The following DNAH10 variants were observed in gnomAD, a reference collection of about 807,000 sequenced individuals.
DNAH10 encodes dynein axonemal heavy chain 10.
A neutral mutation model predicts 506.6 loss-of-function variants in DNAH10; 348 were observed. The ratio of observed to expected loss-of-function variants is 0.69; its 90% CI spans 0.63 to 0.75. The LOEUF (loss-of-function observed/expected upper bound fraction) is 0.75, where lower values mean the gene tolerates loss of function less well. Among genes scored for constraint, DNAH10 ranks in the 30% least tolerant of loss-of-function variants. The pLI is 0.00. For synonymous variants in DNAH10, 2,059 were observed against 2,198.6 expected (o/e 0.94, Z 1.78); for missense variants, 5,179 against 5,787.1 (o/e 0.89, Z 3.41).
chr12:123,837,594 A>G (rs1594153254), intron 28 of DNAH10, among the ~76,000 whole-genome samples: 1 of 137,204 alleles, frequency 7.3e-6, no homozygotes, highest in Non-Finnish European at 1.5e-5. Flanking sequence ...TTTTTTTTTT[A>G]GAGACGAGGT....
intron 3 of DNAH10, among the ~76,000 whole-genome samples, chr12:123,772,023 A>G (rs1014797569): frequency 6.6e-6 from 1 of 152,220 alleles, no homozygotes. Context: ...AGTTTCATGG[A>G]TAGCACTTAA....
Position 123,762,625 on chromosome 12 carries a change from C to A in DNAH10, c.214+75C>A. On this transcript the variant is annotated intron_variant, in intron 1 of 78. Coordinates refer to ENST00000673944, the MANE Select transcript of DNAH10 (RefSeq NM_001372106.1). This position sits in a 1 kb window ranked among gnomAD's most constrained non-coding sequence, Gnocchi z 5.0. ...CCGGCCTCTCCGGCGGGCGCCGGGG[C>A]TGCTAGAGCCTGCCCATCGTCCGGC... 7.1e-7 allele frequency: 1 copy of A among 1,417,624 alleles called. No homozygotes were observed. The highest frequency in any genetic ancestry group is 9.4e-7 in the Non-Finnish European group (1 of 1,060,296). The allele number at this position is 1,417,624 out of a possible 1,614,324, so 87.8% of individuals were successfully genotyped here.
In DNAH10 at chr12:123,902,856, G is replaced by C. The variant is rs758817174; in HGVS notation, c.9641-83G>C. ...CGCTAGGGCTCAAGCCAACCTTTGA[G>C]GACTGCACTCTGCTCAGAGCCGGGG... is the stretch of plus-strand genomic sequence containing the variant. On this transcript the variant is annotated intron_variant, in intron 56 of 78. Transcript: ENST00000673944. This position sits in a 1 kb window ranked among gnomAD's most constrained non-coding sequence, Gnocchi z 4.5. 21 of 1,466,396 alleles carry C rather than the reference G, an allele frequency of 1.4e-5. No homozygotes were observed. The highest frequency in any genetic ancestry group is 1.8e-5 in the Non-Finnish European group (20 of 1,100,218). The allele number at this position is 1,466,396 out of a possible 1,614,324, so 90.8% of individuals were successfully genotyped here.
At chr12:123,905,626 GC>G (rs935203776) in intron 57 of DNAH10, among the ~76,000 whole-genome samples, 3 of 151,692 alleles carry the variant, frequency 2.0e-5, no homozygotes, top group African/African-American at 7.3e-5. Context: ...AGTGAAGCTG[GC>G]CTTTTTTTTT....
rs1166311446 is a variant in DNAH10 at position 123,870,399 on chromosome 12, A to G, written c.7553A>G (p.Asp2518Gly). ...QLPTLYDFHF[D>G]NKRNQWVPWS... ...CCAACCTTGTATGACTTTCATTTTGATAACAAACGGAATCAATGGGTCCCA... is the reference window on the plus strand; with the variant it reads ...CCAACCTTGTATGACTTTCATTTTGGTAACAAACGGAATCAATGGGTCCCA... The change falls in exon 44 of 79, where the codon GAT becomes GGT. Residue 2518 changes from aspartate to glycine, a missense_variant. By Grantham distance (94) the Asp-to-Gly change is moderately conservative. Transcript: ENST00000673944. 1.2e-6 allele frequency: 2 copies of G among 1,613,800 alleles called. No individual in the cohort carries two copies. Among genetic ancestry groups the G allele is most frequent in the Non-Finnish European group, 1.7e-6 (2 of 1,179,884 alleles).
At chr12:123,806,247 GA>G (rs1958670554) in intron 18 of DNAH10, among the ~76,000 whole-genome samples, 1 of 152,172 alleles carries the variant, frequency 6.6e-6, no homozygotes, top group Non-Finnish European at 1.5e-5. Context: ...AGGTATCTAT[GA>G]TTCACATTTT....
In DNAH10 at chr12:123,926,643, G is replaced by A; in HGVS notation, c.11928G>A (p.Val3976=). The A allele has an allele frequency of 1.2e-6, 2 of 1,613,196 alleles. No individual in the cohort carries two copies. Among genetic ancestry groups the A allele is most frequent in the Non-Finnish European group, 8.5e-7 (1 of 1,179,536 alleles). The change falls in exon 69 of 79, where the codon GTG becomes GTA. Residue 3976 remains valine, a synonymous_variant. Transcript: ENST00000673944. The surrounding 1 kb of genome is among the most constrained non-coding windows in gnomAD (Gnocchi z 4.1). ...ACTGTGTTTCTTTCACCAGGTATGT[G>A]CAGCCCCCAATGATCAGCTTTGAAG... is the stretch of plus-strand genomic sequence containing the variant. ...YVTVTMGEKY[V]QPPMISFEAI... is the part of the protein sequence containing the mutation.
chr12:123,773,056 C>G, intron 4 of DNAH10, 114 bp downstream of exon 4: 1 of 722,088 alleles, frequency 1.4e-6, no homozygotes, highest in East Asian at 2.6e-5. Context: ...ATGCCAAGCT[C>G]TCTTTCTTTT....
intron 55 of DNAH10, 91 bp from the exon 56 acceptor site, chr12:123,898,562 T>G (rs1408574646): frequency 7.1e-7 from 1 of 1,400,690 alleles, no homozygotes; most frequent in Non-Finnish European, 9.4e-7. Flanking sequence ...TTTTGTTTTG[T>G]TTTTGATAAG....
At chr12:123,815,075 A>G (rs978274759) in intron 21 of DNAH10, among the ~76,000 whole-genome samples, 4 of 152,168 alleles carry the variant, frequency 2.6e-5, no homozygotes, top group African/African-American at 9.7e-5. Flanking sequence ...CAACAAAACA[A>G]CAACAGTTGA....
rs1159548287 is a variant in DNAH10 at position 123,864,588 on chromosome 12, G to T, written c.6909-7G>T. 1 of 1,613,230 alleles carries T rather than the reference G, an allele frequency of 6.2e-7. No individual in the cohort carries two copies. Reference sequence around the variant, plus strand: ...ACCCATGGCTCTCCTTTCTTTGGTTGCTGCAGGTATATTTTATTTGATGGT... The same window carrying T: ...ACCCATGGCTCTCCTTTCTTTGGTTTCTGCAGGTATATTTTATTTGATGGT... On this transcript the variant is annotated splice_polypyrimidine_tract_variant and splice_region_variant and intron_variant, in intron 39 of 78. Transcript: ENST00000673944.
Position 123,929,468 on chromosome 12 carries a change from A to G in DNAH10, c.12500A>G (p.Asn4167Ser), listed in dbSNP as rs372419118. The change falls in exon 71 of 79, where the codon AAT (asparagine) becomes AGT (serine). Residue 4167 changes from asparagine (N) to serine (S), a missense_variant. By Grantham distance (46) the Asn-to-Ser change is conservative. Transcript: ENST00000673944. ...KIGWNVYYDF[N>S]ESDFQVCMEI... is the part of the protein sequence containing the mutation. Reference sequence around the variant, plus strand: ...GGCTGGAACGTGTACTATGACTTCAATGAGTCTGACTTCCAGGTGACAGTG... The same window carrying G: ...GGCTGGAACGTGTACTATGACTTCAGTGAGTCTGACTTCCAGGTGACAGTG... 7.4e-6 allele frequency: 12 copies of G among 1,613,240 alleles called. No individual in the cohort carries two copies. In the Middle Eastern group the frequency reaches 8.2e-4, roughly 111 times the overall value.
At chr12:123,801,533 C>T (rs1958483018) in intron 16 of DNAH10, 101 bp downstream of exon 16, 4 of 1,405,582 alleles carry the variant, frequency 2.8e-6, no homozygotes, top group South Asian at 2.8e-5. Context: ...TTTATAGAGA[C>T]AATTAACAAT....
At position 123,787,949 on chromosome 12, in the gene DNAH10, G is replaced by T; in HGVS notation, c.1567G>T (p.Glu523Ter). Residue 523 changes from glutamate to a stop codon, truncating the protein, a stop_gained, in exon 10 of 79, where the codon GAG (glutamate) becomes TAG (stop). Transcript: ENST00000673944. LOFTEE classifies it high-confidence loss of function. The surrounding 1 kb of genome is among the most constrained non-coding windows in gnomAD (Gnocchi z 4.6). ...GGAGTTTGACCGGAAGCGGCTGTTCGAGAGGACGGATTATATGGCCACCAT... is the reference window on the plus strand; with the variant it reads ...GGAGTTTGACCGGAAGCGGCTGTTCTAGAGGACGGATTATATGGCCACCAT... ...RWEFDRKRLFERTDYMATICQ... is the reference protein window; with the variant it reads ...RWEFDRKRLF 1 of 1,596,454 alleles carries T rather than the reference G, an allele frequency of 6.3e-7. No homozygotes were observed.
chr12:123,801,507 T>C (rs1958481973), intron 16 of DNAH10, 75 bp downstream of exon 16: 1 of 1,535,144 alleles, frequency 6.5e-7, no homozygotes, highest in Non-Finnish European at 8.8e-7. Context: ...TTTATTTGAA[T>C]TACCATTTTC....
At chr12:123,898,417 G>T (rs1953354078) in intron 55 of DNAH10, among the ~76,000 whole-genome samples, 1 of 152,202 alleles carries the variant, frequency 6.6e-6, no homozygotes, top group Admixed American at 6.5e-5. Context: ...TGCACTGCCG[G>T]ACAGGGCTTT....
chr12:123,934,990 C>A, intron 78 of DNAH10: 1 of 642,714 alleles, frequency 1.6e-6, no homozygotes, highest in Non-Finnish European at 2.7e-6. Flanking sequence ...AGGTGTCAGG[C>A]TCAAGCTGTG....
rs1383690518 is a variant in DNAH10, at chr12:123,896,148, C to CAT, written c.9280+1426_9280+1427insTA. Among the ~76,000 whole-genome samples the CAT allele has an allele frequency of 1.6e-3, 149 of 95,328 alleles. 1 individual carries two copies. Among genetic ancestry groups the CAT allele is most frequent in the Non-Finnish European group, 2.0e-3 (104 of 51,326 alleles). 62.5% of individuals were successfully genotyped at this position (95,328 alleles called of 152,430 possible). A position where few individuals can be genotyped will look rare whatever the true frequency, so the allele number is the denominator to read the frequency against. On this transcript the variant is annotated intron_variant, in intron 54 of 78. Coordinates refer to ENST00000673944, the MANE Select transcript of DNAH10 (RefSeq NM_001372106.1). ...ACACACACACACACACACACACACA[C>CAT]AGAGAGAGAGAGAGAGAGAGAGAGA... is the stretch of plus-strand genomic sequence containing the variant.
At chr12:123,873,748 G>T in intron 46 of DNAH10, 38 bp downstream of exon 46, 1 of 1,565,958 alleles carries the variant, frequency 6.4e-7, no homozygotes, top group South Asian at 1.2e-5. Context: ...GATGGGTCAA[G>T]ACAGTGCTTG....
Sources: allele counts gnomAD v4.1 joint callset (sites outside exome capture counted in the v4.1 genomes callset), GRCh38; gene constraint gnomAD v4.1.1; non-coding constraint Gnocchi (gnomAD v3.1); transcripts MANE v1.5; gene names NCBI Gene and HGNC (gene_info 2026-07-23, HGNC 2026-07-21).